Variants in ATP2B2 observed in about 807,000 individuals in gnomAD.
ATP2B2 encodes plasma membrane calcium-transporting ATPase 2.
ATP2B2 carries 15 observed loss-of-function variants against 120.0 expected under a neutral mutation model. The observed-to-expected ratio is 0.12, with a 90% confidence interval of 0.08 to 0.19. ATP2B2 has a LOEUF of 0.19. Among genes scored for constraint, ATP2B2 ranks in the 10% least tolerant of loss-of-function variants. ATP2B2 has a pLI of 1.00. For synonymous variants in ATP2B2, 694 were observed against 700.3 expected, an observed-to-expected ratio of 0.99 and a Z score of 0.14; for missense variants, 1,045 against 1,719.8, an observed-to-expected ratio of 0.61 and a Z score of 6.94.
At chr3:10,645,495 A>C (rs1156694604) in intron 1 of ATP2B2, among the ~76,000 whole-genome samples, 1 of 152,220 alleles carries the variant, frequency 6.6e-6, no homozygotes, top group African/African-American at 2.4e-5. Flanking sequence ...CAAAAGATGC[A>C]TCTCTACATG....
rs756167133 is a variant in ATP2B2 at position 10,345,364 on chromosome 3, G to C, written c.2703+20C>G. Reference sequence around the variant, plus strand: ...TCTCCGCCCTCCCCCAGGCTTTGGTGTGGTCTCCTGCGGACCCACCTGCGT... The same window carrying C: ...TCTCCGCCCTCCCCCAGGCTTTGGTCTGGTCTCCTGCGGACCCACCTGCGT... On this transcript the variant is annotated intron_variant, in intron 18 of 22. Transcript: ENST00000360273. 1 of 1,613,856 alleles carries C rather than the reference G, an allele frequency of 6.2e-7. No individual in the cohort carries two copies. Among genetic ancestry groups the C allele is most frequent in the Non-Finnish European group, 8.5e-7 (1 of 1,179,758 alleles).
chr3:10,553,758 G>A (rs2067719053), intron 2 of ATP2B2, among the ~76,000 whole-genome samples: 2 of 152,098 alleles, frequency 1.3e-5, no homozygotes, highest in Non-Finnish European at 2.9e-5. Flanking sequence ...GGAAGGAACT[G>A]GGTGTTATCG....
chr3:10,556,179 C>T (rs1485672922), intron 2 of ATP2B2, among the ~76,000 whole-genome samples: 2 of 152,198 alleles, frequency 1.3e-5, no homozygotes, highest in Non-Finnish European at 2.9e-5. Flanking sequence ...GGATTATAGG[C>T]GTGAGCCACT....
chr3:10,345,321 C>T, intron 18 of ATP2B2, 63 bp downstream of exon 18: 1 of 1,587,706 alleles, frequency 6.3e-7, no homozygotes, highest in Non-Finnish European at 8.6e-7. Flanking sequence ...CCTAAGGCCC[C>T]CGAGCCTCTG....
chr3:10,581,306 A>G (rs2068384188), intron 2 of ATP2B2, among the ~76,000 whole-genome samples: 1 of 152,256 alleles, frequency 6.6e-6, no homozygotes, highest in African/African-American at 2.4e-5. Context: ...GAGGAGCCCC[A>G]CAAGGCTCTG....
chr3:10,661,075 G>C (rs7639536), intron 1 of ATP2B2, among the ~76,000 whole-genome samples: 33,479 of 152,036 alleles, frequency 0.22, 6,168 homozygotes, highest in African/African-American at 0.5. Flanking sequence ...TCTCAATAAA[G>C]TAGGTATTGA....
chr3:10,337,485 G>C (rs1027754590), intron 22 of ATP2B2, among the ~76,000 whole-genome samples: 1 of 152,274 alleles, frequency 6.6e-6, no homozygotes, highest in Non-Finnish European at 1.5e-5. Flanking sequence ...GACCATGTGA[G>C]AGCATGTGGT....
At chr3:10,563,235 C>T (rs2067941511) in intron 2 of ATP2B2, among the ~76,000 whole-genome samples, 1 of 152,234 alleles carries the variant, frequency 6.6e-6, no homozygotes, top group South Asian at 2.1e-4. Context: ...CACTGCTTTA[C>T]AGATGAGGAA....
chr3:10,400,878 G>T (rs1261228256), intron 5 of ATP2B2, 75 bp downstream of exon 5: 2 of 1,600,870 alleles, frequency 1.2e-6, no homozygotes, highest in African/African-American at 1.3e-5. Flanking sequence ...AGTCCCTTCA[G>T]CCTCATGAAG....
At chr3:10,451,818 T>C (rs182603639) in intron 1 of ATP2B2, among the ~76,000 whole-genome samples, 92 of 152,204 alleles carry the variant, frequency 6.0e-4, no homozygotes, top group African/African-American at 1.9e-3. Context: ...ACCCCAACAA[T>C]GTATTCCTCG....
At chr3:10,648,174 C>G (rs1167818222) in intron 1 of ATP2B2, among the ~76,000 whole-genome samples, 3 of 152,218 alleles carry the variant, frequency 2.0e-5, no homozygotes, top group Non-Finnish European at 4.4e-5. Context: ...TAGGTCACCA[C>G]TGACTTCTGC....
At chr3:10,559,997 G>C (rs1436818627) in intron 2 of ATP2B2, among the ~76,000 whole-genome samples, 1 of 152,242 alleles carries the variant, frequency 6.6e-6, no homozygotes, top group East Asian at 1.9e-4. Context: ...CAACACGAAA[G>C]ATGCTGGCCT....
intron 2 of ATP2B2, among the ~76,000 whole-genome samples, chr3:10,555,542 C>T (rs972827511): frequency 1.3e-5 from 2 of 152,216 alleles, no homozygotes; most frequent in Non-Finnish European, 2.9e-5. Flanking sequence ...GATGTTGGTG[C>T]TAAGGGCTCC....
chr3:10,470,194 G>A (rs1355517281), intron 1 of ATP2B2, among the ~76,000 whole-genome samples: 1 of 152,168 alleles, frequency 6.6e-6, no homozygotes, highest in African/African-American at 2.4e-5. Flanking sequence ...AGTTCGGAAA[G>A]TGACAACAAT....
intron 3 of ATP2B2, among the ~76,000 whole-genome samples, chr3:10,511,991 G>A (rs963038763): frequency 1.2e-4 from 18 of 152,164 alleles, no homozygotes; most frequent in African/African-American, 4.1e-4. Flanking sequence ...GAAGAGGAAA[G>A]GGAACTTGAC....
At chr3:10,588,939 G>C (rs550670052) in intron 2 of ATP2B2, among the ~76,000 whole-genome samples, 70 of 152,342 alleles carry the variant, frequency 4.6e-4, no homozygotes, top group African/African-American at 1.5e-3. Context: ...GCGTGAGCCT[G>C]TGTGTTAGAT....
At chr3:10,545,336 C>T (rs1043223087) in intron 2 of ATP2B2, among the ~76,000 whole-genome samples, 1 of 152,082 alleles carries the variant, frequency 6.6e-6, no homozygotes, top group African/African-American at 2.4e-5. Context: ...TCGAGACCAG[C>T]CTGGCCAACA....
intron 2 of ATP2B2, among the ~76,000 whole-genome samples, chr3:10,577,005 G>T (rs946239316): frequency 2.8e-5 from 4 of 142,714 alleles, no homozygotes; most frequent in Admixed American, 7.3e-5. Flanking sequence ...AGTGAGCCAA[G>T]ATCACCACTG....
At chr3:10,349,725 A>G (rs1260888353) in intron 16 of ATP2B2, among the ~76,000 whole-genome samples, 1 of 152,088 alleles carries the variant, frequency 6.6e-6, no homozygotes, top group African/African-American at 2.4e-5. Context: ...AACAAGCAGC[A>G]GTAAGGACTA....
Sources: allele counts gnomAD v4.1 joint callset (sites outside exome capture counted in the v4.1 genomes callset), GRCh38; gene constraint gnomAD v4.1.1; transcripts MANE v1.5; gene names NCBI Gene and HGNC (gene_info 2026-07-23, HGNC 2026-07-21).